CNTFR: variants seen among roughly 807,000 people sequenced by gnomAD.
The protein encoded by CNTFR is ciliary neurotrophic factor receptor subunit alpha.
In CNTFR, 12 loss-of-function variants were observed where a neutral mutation model predicts 40.4. That is an observed-to-expected ratio of 0.30 (90% CI 0.19 to 0.48). CNTFR has a LOEUF of 0.48. Among genes scored for constraint, CNTFR ranks in the 20% least tolerant of loss-of-function variants. The probability of loss-of-function intolerance (pLI) is 0.99; values close to 1 mark genes in which losing one functional copy is unlikely to be tolerated. For missense variants in CNTFR, 414 were observed against 506.8 expected (o/e 0.82, Z 1.76); for synonymous variants, 202 against 209.6 (o/e 0.96, Z 0.31).
intron 1 of CNTFR, among the ~76,000 whole-genome samples, chr9:34,588,038 G>C (rs1315030412): frequency 6.6e-6 from 1 of 152,190 alleles, no homozygotes; most frequent in Non-Finnish European, 1.5e-5. Context: ...TCTGAGTATG[G>C]ATTCCAGAGC....
intron 4 of CNTFR, among the ~76,000 whole-genome samples, chr9:34,558,405 A>G (rs1489925072): frequency 3.3e-5 from 5 of 152,170 alleles, no homozygotes; most frequent in African/African-American, 9.7e-5. Flanking sequence ...CTGCTGGAGT[A>G]TCGGGTGCAC....
At position 34,585,074 on chromosome 9, in the gene CNTFR, A is replaced by G. The variant is rs555127932; in HGVS notation, c.-111-3869T>C. 3.9e-5 allele frequency among the ~76,000 whole-genome samples: 6 copies of G among 152,290 alleles called. No individual in the cohort carries two copies. In the East Asian group the frequency reaches 9.6e-4, roughly 24 times the overall value. On this transcript the variant is annotated intron_variant, in intron 1 of 9. Coordinates refer to ENST00000378980, the MANE Select transcript of CNTFR (RefSeq NM_147164.3). ...GCACCTATTCCCTGCCAGGCACTGT[A>G]CAGGGAGCCAGGCACATGGTCGTGC...
chr9:34,579,591 T>G (rs1587168912), intron 2 of CNTFR, among the ~76,000 whole-genome samples: 1 of 145,848 alleles, frequency 6.9e-6, no homozygotes, highest in Admixed American at 6.8e-5. Context: ...AGAGAGAGGG[T>G]GATGGAGAGA....
At chr9:34,579,258 G>A (rs1297938288) in intron 2 of CNTFR, among the ~76,000 whole-genome samples, 1 of 152,054 alleles carries the variant, frequency 6.6e-6, no homozygotes, top group Admixed American at 6.5e-5. Context: ...TGATTAATGG[G>A]GTTACGGGCT....
At position 34,568,954 on chromosome 9, in the gene CNTFR, A is replaced by G. The variant is rs1386446217; in HGVS notation, c.28T>C (p.Cys10Arg). MAAPVPWAC[C>R]AVLAAAAAVV... ...GCGGCGGCGGCGGCAAGCACAGCACAGCAGGCCCACGGGACAGGAGCAGCC... is the reference window on the plus strand; with the variant it reads ...GCGGCGGCGGCGGCAAGCACAGCACGGCAGGCCCACGGGACAGGAGCAGCC... The change falls in exon 3 of 10, where the codon TGT becomes CGT. Residue 10 changes from cysteine (C) to arginine (R), a missense_variant. Around this residue, in one of 3 missense-constraint regions of CNTFR, gnomAD observed 250 missense variants for 269.5 expected, o/e 0.93. Coordinates refer to ENST00000378980, the MANE Select transcript of CNTFR (RefSeq NM_147164.3). The G allele has an allele frequency of 6.2e-7, 1 of 1,600,842 alleles. No homozygotes were observed. Among genetic ancestry groups the G allele is most frequent in the Non-Finnish European group, 8.5e-7 (1 of 1,174,104 alleles).
chr9:34,564,197 A>G (rs929435089), intron 4 of CNTFR, among the ~76,000 whole-genome samples: 2 of 151,550 alleles, frequency 1.3e-5, no homozygotes, highest in African/African-American at 4.9e-5. Flanking sequence ...CACATATCCC[A>G]CTTCCCTCCC....
chr9:34,589,651 C>G lies in CNTFR; in HGVS notation c.-208G>C, dbSNP rs1252845873. ...GCGGAGCTAGCACCGCCCGCCGGAT[C>G]CCACCGCCGAGCCTCGCGCCGCGCC... On this transcript the variant is annotated 5_prime_UTR_variant, in exon 1 of 10. Transcript: ENST00000378980. The surrounding 1 kb of genome is among the most constrained non-coding windows in gnomAD (Gnocchi z 4.4). 6.5e-6 allele frequency: 1 copy of G among 154,468 alleles called. No individual in the cohort carries two copies. Among genetic ancestry groups the G allele is most frequent in the Non-Finnish European group, 1.4e-5 (1 of 70,160 alleles). 9.6% of individuals were successfully genotyped at this position (154,468 alleles called of 1,614,324 possible).
At chr9:34,568,867 G>T (rs1371959871) in intron 3 of CNTFR, 30 bp downstream of exon 3, 1 of 1,552,532 alleles carries the variant, frequency 6.4e-7, no homozygotes, top group Non-Finnish European at 8.7e-7. Flanking sequence ...CTGAGAGGGG[G>T]GTCAGCAGGC....
chr9:34,572,512 A>G (rs931452942), intron 2 of CNTFR, among the ~76,000 whole-genome samples: 5 of 152,192 alleles, frequency 3.3e-5, no homozygotes, highest in Non-Finnish European at 7.4e-5. Context: ...GGGGTACCCC[A>G]TAAGCAAGGA....
At chr9:34,588,345 A>C (rs1827626342) in intron 1 of CNTFR, among the ~76,000 whole-genome samples, 1 of 152,200 alleles carries the variant, frequency 6.6e-6, no homozygotes, top group Admixed American at 6.5e-5. Flanking sequence ...TCACACCCAG[A>C]GTTAGATACA....
At chr9:34,588,448 G>C (rs1036615467) in intron 1 of CNTFR, among the ~76,000 whole-genome samples, 5 of 152,018 alleles carry the variant, frequency 3.3e-5, no homozygotes, top group African/African-American at 9.7e-5. Flanking sequence ...CCACCTCAGT[G>C]ACCACAGCCA....
In CNTFR at chr9:34,589,070, CGCGCGCGG is replaced by C. The variant is rs1365741581; in HGVS notation, c.-112+477_-112+484del. ...CGACACACACATGCACACACACACGCGCGCGCGGGCGCGCGGATTCACACGGACACACA... is the reference window on the plus strand; with the variant it reads ...CGACACACACATGCACACACACACGCGCGCGCGGATTCACACGGACACACA... On this transcript the variant is annotated intron_variant, in intron 1 of 9. Coordinates refer to ENST00000378980, the MANE Select transcript of CNTFR (RefSeq NM_147164.3). The surrounding 1 kb of genome is among the most constrained non-coding windows in gnomAD (Gnocchi z 4.4). Among the ~76,000 whole-genome samples, 10 of 152,130 alleles carry C rather than the reference CGCGCGCGG, an allele frequency of 6.6e-5. No homozygotes were observed. Among genetic ancestry groups the C allele is most frequent in the Admixed American group, 1.3e-4 (2 of 15,282 alleles).
intron 2 of CNTFR, among the ~76,000 whole-genome samples, chr9:34,578,453 G>T (rs367848063): frequency 2.0e-5 from 3 of 152,196 alleles, no homozygotes; most frequent in East Asian, 3.9e-4. Context: ...GGTGGCCGGG[G>T]CCTCCTTTCC....
chr9:34,580,049 T>G (rs1827206502), intron 2 of CNTFR: 1 of 152,142 alleles, frequency 6.6e-6, no homozygotes, highest in South Asian at 2.1e-4. Flanking sequence ...TCAGTTCTTC[T>G]TGCTGCAGGG....
Position 34,552,559 on chromosome 9 carries a change from G to T in CNTFR, c.949+115C>A. ...GCAGGAGTTGGACAGACAGGCAGAA[G>T]TGTGGCTACCCCCGGGAGCAGAGGC... On this transcript the variant is annotated intron_variant, in intron 8 of 9. Transcript: ENST00000378980. This position sits in a 1 kb window ranked among gnomAD's most constrained non-coding sequence, Gnocchi z 5.1. 8.5e-7 allele frequency: 1 copy of T among 1,179,098 alleles called. No individual in the cohort carries two copies. The highest frequency in any genetic ancestry group is 1.2e-6 in the Non-Finnish European group (1 of 855,352). 73.0% of individuals were successfully genotyped at this position (1,179,098 alleles called of 1,614,324 possible). A position where few individuals can be genotyped will look rare whatever the true frequency, so the allele number is the denominator to read the frequency against.
Position 34,552,889 on chromosome 9 carries a change from A to T in CNTFR, c.769-35T>A. ...GACCATGGGGTGGGGGTAAGGACAC[A>T]CCTGGGGGCCAGGAGGGTGAGGTCC... On this transcript the variant is annotated intron_variant, in intron 7 of 9. Coordinates refer to ENST00000378980, the MANE Select transcript of CNTFR (RefSeq NM_147164.3). This position sits in a 1 kb window ranked among gnomAD's most constrained non-coding sequence, Gnocchi z 5.1. 6.3e-7 allele frequency: 1 copy of T among 1,597,766 alleles called. No individual in the cohort carries two copies.
intron 2 of CNTFR, among the ~76,000 whole-genome samples, chr9:34,580,400 T>C (rs1827224713): frequency 6.6e-6 from 1 of 152,082 alleles, no homozygotes; most frequent in Admixed American, 6.5e-5. Context: ...CCCTTTTATG[T>C]GTCAGCCTGG....
chr9:34,576,909 C>A (rs1456870955), intron 2 of CNTFR, among the ~76,000 whole-genome samples: 1 of 152,206 alleles, frequency 6.6e-6, no homozygotes, highest in Non-Finnish European at 1.5e-5. Flanking sequence ...TAGCGGGCAC[C>A]CAGATGTCTG....
chr9:34,566,163 GC>G (rs955781957), intron 3 of CNTFR, among the ~76,000 whole-genome samples: 4 of 151,966 alleles, frequency 2.6e-5, no homozygotes, highest in South Asian at 4.2e-4. Flanking sequence ...TCCCATTGCA[GC>G]CCCCTCCTCA....
Sources: gnomAD v4.1 joint callset for allele counts (sites outside exome capture counted in the v4.1 genomes callset) on GRCh38, gnomAD v4.1.1 for gene constraint, gnomAD v4.1.1 regional missense constraint, Gnocchi (gnomAD v3.1) non-coding constraint, MANE v1.5 for transcripts, NCBI Gene and HGNC (gene_info 2026-07-23, HGNC 2026-07-21) for gene names.